The following FANCI variants were observed in gnomAD, a reference collection of about 807,000 sequenced individuals.
The protein encoded by FANCI is FA complementation group I, also known as Fanconi anemia group I protein.
In FANCI, 156 loss-of-function variants were observed where a neutral mutation model predicts 176.1. The observed-to-expected ratio is 0.89, with a 90% CI of 0.78 to 1.01. FANCI has a LOEUF of 1.01. FANCI is among the 50% of genes least tolerant of loss of function. The pLI, the probability that FANCI is intolerant of heterozygous loss-of-function variation, is 0.00. For missense variants in FANCI, 1,678 were observed against 1,534.1 expected (o/e 1.09, Z -1.57); for synonymous variants, 613 against 541.7 (o/e 1.13, Z -1.83).
Position 89,281,268 on chromosome 15 carries a change from C to G in FANCI, c.1480C>G (p.Gln494Glu), listed in dbSNP as rs2053603981. ...AFDYLSFLPL[Q>E]TVQRLLKAVQ... ...TGACTATTTGTCCTTTCTGCCCCTT[C>G]AGACTGTACAAAGGCTGCTTAAGGC... The change falls in exon 15 of 38, where the codon CAG becomes GAG. Residue 494 changes from glutamine to glutamate, a missense_variant. Coordinates refer to ENST00000310775, the MANE Select transcript of FANCI (RefSeq NM_001113378.2). 3.7e-6 allele frequency: 6 copies of G among 1,613,890 alleles called. No homozygotes were observed. Among genetic ancestry groups the G allele is most frequent in the Non-Finnish European group, 5.1e-6 (6 of 1,179,848 alleles).
chr15:89,283,772 T>G (rs1192583912), intron 17 of FANCI, among the ~76,000 whole-genome samples: 3 of 151,528 alleles, frequency 2.0e-5, no homozygotes, highest in East Asian at 1.9e-4. Flanking sequence ...TTTTTTTTTT[T>G]GAGACGGAGT....
intron 27 of FANCI, 40 bp downstream of exon 27, chr15:89,301,482 A>C: frequency 2.3e-6 from 3 of 1,321,288 alleles, no homozygotes; most frequent in Non-Finnish European, 3.3e-6. Flanking sequence ...AGCATTCCTC[A>C]GAAGGCAAGG....
chr15:89,281,050 GTATACTTGACT>G (rs1280491217), intron 14 of FANCI, 109 bp from the exon 15 acceptor site: 2 of 991,696 alleles, frequency 2.0e-6, no homozygotes, highest in African/African-American at 3.2e-5. Context: ...TTGTATTGCA[GTATACTTGACT>G]TATTTGAGAA....
intron 18 of FANCI, among the ~76,000 whole-genome samples, chr15:89,289,422 A>C (rs374573724): frequency 6.6e-6 from 1 of 151,968 alleles, no homozygotes; most frequent in East Asian, 1.9e-4. Flanking sequence ...CTCCTGCCTC[A>C]GCCTCCCAAG....
At chr15:89,260,531 C>G (rs188064424) in intron 3 of FANCI, among the ~76,000 whole-genome samples, 182 bp from the exon 4 acceptor site, 139 of 152,256 alleles carry the variant, frequency 9.1e-4, no homozygotes, top group African/African-American at 3.3e-3. Context: ...ATTTTAGTCC[C>G]TTTATTTTGG....
intron 2 of FANCI, among the ~76,000 whole-genome samples, chr15:89,258,397 A>G (rs2052585093): frequency 6.6e-6 from 1 of 152,092 alleles, no homozygotes; most frequent in Non-Finnish European, 1.5e-5. Context: ...TGTTTTGTTC[A>G]TCTTTATAAC....
chr15:89,299,704 C>G (rs1048533399), intron 24 of FANCI, 96 bp from the exon 25 acceptor site: 5 of 1,269,888 alleles, frequency 3.9e-6, no homozygotes, highest in South Asian at 1.3e-5. Context: ...TTTTAAACTT[C>G]TAGAACTGTT....
At chr15:89,250,054 G>A (rs187157041) in intron 2 of FANCI, among the ~76,000 whole-genome samples, 6 of 152,206 alleles carry the variant, frequency 3.9e-5, no homozygotes, top group East Asian at 3.9e-4. Context: ...AATGAAAACC[G>A]AAACTAAAAG....
At chr15:89,244,064 C>G (rs1156417452) in intron 1 of FANCI, 31 bp downstream of exon 1, 2 of 152,512 alleles carry the variant, frequency 1.3e-5, no homozygotes, top group Non-Finnish European at 2.9e-5. Context: ...GAGCGGCTCG[C>G]GAGGTGCTCG....
At chr15:89,309,966 G>A (rs1400705292) in intron 34 of FANCI, among the ~76,000 whole-genome samples, 2 of 152,204 alleles carry the variant, frequency 1.3e-5, no homozygotes, top group African/African-American at 2.4e-5. Context: ...TGTGTCTGAT[G>A]TGTTAAGCTC....
At chr15:89,286,971 C>T (rs2053838397) in intron 18 of FANCI, among the ~76,000 whole-genome samples, 1 of 88,478 alleles carries the variant, frequency 1.1e-5, no homozygotes, top group African/African-American at 5.0e-5. Flanking sequence ...GCTGCTTCAC[C>T]TTGCACTTTT....
At chr15:89,311,106 A>G (rs985666468) in intron 34 of FANCI, among the ~76,000 whole-genome samples, 2 of 152,030 alleles carry the variant, frequency 1.3e-5, no homozygotes, top group Non-Finnish European at 2.9e-5. Context: ...AAAAAATACA[A>G]AAATTAGCTG....
At position 89,297,464 on chromosome 15, in the gene FANCI, G is replaced by A. The variant is rs574184586; in HGVS notation, c.2637-2336G>A. Among the ~76,000 whole-genome samples the A allele has an allele frequency of 1.4e-4, 21 of 152,226 alleles. No individual in the cohort carries two copies. In the East Asian group the frequency reaches 3.9e-3, roughly 28 times the overall value. On this transcript the variant is annotated intron_variant, in intron 24 of 37. Transcript: ENST00000310775. ...AGATCACGCCACTGCACTCCAGCCT[G>A]GGCACCATTGAGCACTGAGTGAACG...
chr15:89,315,240 C>T (rs558895941), intron 36 of FANCI, 42 bp from the exon 37 acceptor site: 3 of 1,447,530 alleles, frequency 2.1e-6, no homozygotes, highest in Non-Finnish European at 2.9e-6. Flanking sequence ...CTGGCAGGAC[C>T]TATGAGTAGG....
At chr15:89,266,080 T>C (rs2052942093) in intron 9 of FANCI, among the ~76,000 whole-genome samples, 1 of 147,154 alleles carries the variant, frequency 6.8e-6, no homozygotes, top group South Asian at 2.2e-4. Context: ...CACTACAGCC[T>C]CCAATTCCTG....
intron 24 of FANCI, among the ~76,000 whole-genome samples, chr15:89,297,721 G>A (rs1206069130): frequency 1.3e-5 from 2 of 150,334 alleles, no homozygotes; most frequent in Admixed American, 6.6e-5. Context: ...GCTTTGGCTC[G>A]GCATCAGAGG....
At chr15:89,306,251 A>T in intron 32 of FANCI, 57 bp downstream of exon 32, 1 of 1,559,472 alleles carries the variant, frequency 6.4e-7, no homozygotes, top group Non-Finnish European at 8.8e-7. Flanking sequence ...GAGCCAGGAG[A>T]TGAGGATGGG....
intron 22 of FANCI, 127 bp downstream of exon 22, chr15:89,293,190 C>T: frequency 9.9e-7 from 1 of 1,014,450 alleles, no homozygotes; most frequent in Non-Finnish European, 1.5e-6. Context: ...TAAATGAGCA[C>T]CTAGTCTAAG....
intron 9 of FANCI, among the ~76,000 whole-genome samples, chr15:89,266,377 G>T (rs930425794): frequency 1.3e-5 from 2 of 149,614 alleles, no homozygotes; most frequent in Non-Finnish European, 3.0e-5. Flanking sequence ...TGCCCAGGCT[G>T]GAGTACATTG....
Sources: gnomAD v4.1 joint callset for allele counts (sites outside exome capture counted in the v4.1 genomes callset) on GRCh38, gnomAD v4.1.1 for gene constraint, MANE v1.5 for transcripts, NCBI Gene and HGNC (gene_info 2026-07-23, HGNC 2026-07-21) for gene names.